Variants in DHODH observed in about 807,000 individuals in gnomAD.
DHODH encodes dihydroorotate dehydrogenase (quinone), also known as dihydroorotate dehydrogenase (quinone), mitochondrial.
DHODH carries 30 observed loss-of-function variants against 39.7 expected under a neutral mutation model. The observed-to-expected ratio is 0.76, with a 90% confidence interval of 0.57 to 1.02. The LOEUF is 1.02. Ranked by LOEUF, DHODH falls within the 50% of genes least tolerant of loss-of-function variation. The pLI, the probability that DHODH is intolerant of heterozygous loss-of-function variation, is 0.00. For missense variants in DHODH, 531 were observed against 520.8 expected (o/e 1.02, Z -0.19); for synonymous variants, 222 against 213.8 (o/e 1.04, Z -0.34).
intron 4 of DHODH, among the ~76,000 whole-genome samples, chr16:72,020,044 G>T (rs1426540477): frequency 1.3e-5 from 2 of 152,158 alleles, no homozygotes; most frequent in East Asian, 3.9e-4. Flanking sequence ...TTGGGAGGCT[G>T]AGGTGGGCAG....
Position 72,025,949 on chromosome 16 carries a change from G to A in DHODH, c.*1750G>A, listed in dbSNP as rs2041272552. On this transcript the variant is annotated 3_prime_UTR_variant, in exon 9 of 9. Transcript: ENST00000219240. ...GGCTGCTTGGCTGGGCTCGAGCCCAGCGGTGTGGTCATAGAGCATGTTGTG... is the reference window on the plus strand; with the variant it reads ...GGCTGCTTGGCTGGGCTCGAGCCCAACGGTGTGGTCATAGAGCATGTTGTG... 6.6e-6 allele frequency: 1 copy of A among 152,292 alleles called. No individual in the cohort carries two copies. The highest frequency in any genetic ancestry group is 1.5e-5 in the Non-Finnish European group (1 of 68,096). 9.4% of individuals were successfully genotyped at this position (152,292 alleles called of 1,614,324 possible). A position where few individuals can be genotyped will look rare whatever the true frequency, so the allele number is the denominator to read the frequency against.
intron 3 of DHODH, chr16:72,016,768 A>G: frequency 4.4e-6 from 2 of 452,836 alleles, no homozygotes; most frequent in South Asian, 4.1e-5. Flanking sequence ...GGGATCCAGC[A>G]GGTCTGGGGC....
intron 4 of DHODH, chr16:72,020,283 A>G (rs1004218615): frequency 1.0e-4 from 15 of 147,806 alleles, no homozygotes; most frequent in Admixed American, 9.4e-4. Flanking sequence ...CAAAAAAAAA[A>G]ACAAAAAACA....
intron 3 of DHODH, chr16:72,016,809 G>T (rs1282077894): frequency 9.3e-6 from 5 of 536,294 alleles, no homozygotes; most frequent in Non-Finnish European, 1.7e-5. Context: ...TGTTTCCAGT[G>T]CTAGCTGGCT....
chr16:72,017,062 A>T lies in DHODH; in HGVS notation c.473A>T (p.His158Leu). Residue 158 changes from histidine (H) to leucine (L), a missense_variant, in exon 4 of 9, where the codon CAC (histidine) becomes CTC (leucine). His to Leu is a moderately conservative substitution (Grantham distance 99). Transcript: ENST00000219240. ...AGTCACGGGCTTTCAGTGGTGGAAC[A>T]CAGGTTACGGGCCAGACAGCAGAAG... is the stretch of plus-strand genomic sequence containing the variant. ...FNSHGLSVVE[H>L]RLRARQQKQA... 6.2e-7 allele frequency: 1 copy of T among 1,614,064 alleles called. No individual in the cohort carries two copies.
chr16:72,012,387 C>T (rs2041093973), intron 2 of DHODH, 125 bp downstream of exon 2: 4 of 772,526 alleles, frequency 5.2e-6, no homozygotes, highest in East Asian at 5.3e-5. Context: ...ATTTGGAATT[C>T]AGTCTGAGCA....
chr16:72,022,354 C>A lies in DHODH; in HGVS notation c.706-8C>A. Reference sequence around the variant, plus strand: ...GGGGTCCCCAGCTCTGGCCGTGTGTCGCCCTAGGTGCTGCAGGAGAGGGAT... The same window carrying A: ...GGGGTCCCCAGCTCTGGCCGTGTGTAGCCCTAGGTGCTGCAGGAGAGGGAT... On this transcript the variant is annotated splice_polypyrimidine_tract_variant and splice_region_variant and intron_variant, in intron 5 of 8. Transcript: ENST00000219240. 6.5e-7 allele frequency: 1 copy of A among 1,550,170 alleles called. No individual in the cohort carries two copies. The highest frequency in any genetic ancestry group is 1.2e-5 in the South Asian group (1 of 84,014).
At chr16:72,024,073 C>T (rs558890373) in intron 8 of DHODH, 72 bp from the exon 9 acceptor site, 81 of 1,523,330 alleles carry the variant, frequency 5.3e-5, no homozygotes, top group Non-Finnish European at 6.3e-5. Context: ...TCTGGGTGAA[C>T]GTGGGCTTCC....
At chr16:72,015,302 T>C (rs2041129901) in intron 3 of DHODH, among the ~76,000 whole-genome samples, 2 of 152,390 alleles carry the variant, frequency 1.3e-5, no homozygotes, top group African/African-American at 4.8e-5. Context: ...CAGCAGCCAG[T>C]AGCCACATGC....
At chr16:72,020,317 ATATGTATATGTG>A (rs1369486013) in intron 4 of DHODH, 1 of 135,318 alleles carries the variant, frequency 7.4e-6, no homozygotes, top group Non-Finnish European at 1.5e-5. Flanking sequence ...ATATATGTGT[ATATGTATATGTG>A]TATATATATA....
At chr16:72,019,774 G>T (rs1383699694) in intron 4 of DHODH, among the ~76,000 whole-genome samples, 1 of 152,188 alleles carries the variant, frequency 6.6e-6, no homozygotes, top group Non-Finnish European at 1.5e-5. Context: ...TTATATGAGG[G>T]AGAGTCCCTT....
intron 4 of DHODH, chr16:72,020,347 ATATATATGTGTATATATATATATAT>A (rs1190893799): frequency 5.1e-5 from 6 of 117,240 alleles, no homozygotes; most frequent in African/African-American, 1.7e-4. Flanking sequence ...ATATATATAT[ATATATATGTGTATATATATATATAT>A]TTTTTTTTTT....
intron 5 of DHODH, 68 bp from the exon 6 acceptor site, chr16:72,022,294 G>A (rs560960026): frequency 2.1e-5 from 24 of 1,154,996 alleles, no homozygotes; most frequent in East Asian, 1.5e-4. Flanking sequence ...GACCTGCAGC[G>A]TAGGTCACAG....
chr16:72,011,846 G>T (rs2041084853), intron 1 of DHODH, among the ~76,000 whole-genome samples: 1 of 151,952 alleles, frequency 6.6e-6, no homozygotes, highest in Admixed American at 6.6e-5. Flanking sequence ...TGGAGTCCCA[G>T]GACAGCCTTT....
intron 5 of DHODH, 36 bp downstream of exon 5, chr16:72,021,347 C>T: frequency 6.4e-7 from 1 of 1,562,718 alleles, no homozygotes; most frequent in African/African-American, 1.3e-5. Context: ...CCCTGTCCCA[C>T]CAGCCTGTCC....
At chr16:72,012,375 G>A in intron 2 of DHODH, 113 bp downstream of exon 2, 2 of 862,696 alleles carry the variant, frequency 2.3e-6, no homozygotes, top group Non-Finnish European at 1.9e-6. Context: ...TGAGCAGTGG[G>A]GATTTGGAAT....
intron 4 of DHODH, among the ~76,000 whole-genome samples, chr16:72,017,867 G>A (rs937867244): frequency 6.9e-6 from 1 of 145,274 alleles, no homozygotes; most frequent in African/African-American, 2.6e-5. Flanking sequence ...TGCTTCCCGC[G>A]TTCTCACTAT....
intron 7 of DHODH, 28 bp downstream of exon 7, chr16:72,023,346 G>C (rs373697702): frequency 1.2e-6 from 2 of 1,614,122 alleles, no homozygotes; most frequent in Non-Finnish European, 1.7e-6. Flanking sequence ...TGTGTCTTCA[G>C]ATCTGCGTGT....
chr16:72,008,939 C>G (rs535429409), intron 1 of DHODH, 154 bp downstream of exon 1: 55 of 1,521,294 alleles, frequency 3.6e-5, no homozygotes, highest in Non-Finnish European at 4.1e-5. Context: ...CCTGCAAATG[C>G]TCGTGCGTGT....
Sources: gnomAD v4.1 joint callset for allele counts (sites outside exome capture counted in the v4.1 genomes callset) on GRCh38, gnomAD v4.1.1 for gene constraint, MANE v1.5 for transcripts, NCBI Gene and HGNC (gene_info 2026-07-23, HGNC 2026-07-21) for gene names.